SUPT3H: variants seen among roughly 807,000 people sequenced by gnomAD.
The protein encoded by SUPT3H is transcription initiation protein SPT3 homolog.
SUPT3H carries 44 observed loss-of-function variants against 44.3 expected under a neutral mutation model. The observed-to-expected ratio is 0.99, with a 90% CI of 0.78 to 1.28. The LOEUF is 1.28. SUPT3H is among the 50% of genes most tolerant of loss of function. SUPT3H has a pLI of 0.00. For synonymous variants in SUPT3H, 124 were observed against 125.6 expected, an observed-to-expected ratio of 0.99 and a Z score of 0.09; for missense variants, 380 against 387.1, an observed-to-expected ratio of 0.98 and a Z score of 0.15.
intron 2 of SUPT3H, among the ~76,000 whole-genome samples, chr6:45,152,228 T>C (rs146764540): frequency 6.6e-6 from 1 of 152,288 alleles, no homozygotes; most frequent in African/African-American, 2.4e-5. Flanking sequence ...CCATTCCCAA[T>C]TCTTAAGCCC....
intron 10 of SUPT3H, among the ~76,000 whole-genome samples, chr6:44,927,606 T>C (rs958341418): frequency 6.6e-6 from 1 of 152,176 alleles, no homozygotes; most frequent in Non-Finnish European, 1.5e-5. Flanking sequence ...ACCTAGCTGG[T>C]ATGCAAAAAA....
intron 9 of SUPT3H, among the ~76,000 whole-genome samples, chr6:44,935,696 G>A (rs986428652): frequency 1.3e-5 from 2 of 152,166 alleles, no homozygotes; most frequent in Admixed American, 1.3e-4. Context: ...CTGATGCTGG[G>A]TATTAGAAGC....
intron 2 of SUPT3H, among the ~76,000 whole-genome samples, chr6:45,189,162 T>A (rs933041386): frequency 6.6e-6 from 1 of 152,220 alleles, no homozygotes; most frequent in South Asian, 2.1e-4. Flanking sequence ...AGATCATTTG[T>A]CTTATTTGCC....
At chr6:45,033,578 A>G (rs1457817266) in intron 3 of SUPT3H, among the ~76,000 whole-genome samples, 3 of 152,198 alleles carry the variant, frequency 2.0e-5, no homozygotes, top group Non-Finnish European at 4.4e-5. Context: ...GACTATCACT[A>G]TGAAAAGTTT....
chr6:44,985,521 T>G lies in SUPT3H; in HGVS notation c.504+18132A>C, dbSNP rs190160230. Among the ~76,000 whole-genome samples the G allele has an allele frequency of 4.9e-4, 74 of 152,252 alleles. 1 individual carries two copies. The East Asian group carries it at 0.012, about 25-fold the overall frequency. On this transcript the variant is annotated intron_variant, in intron 6 of 10. Transcript: ENST00000371459. ...CCCATAGAAACACTGTCCTAAATGG[T>G]GGTTAGGTTCCCAAGTAATCTACAA...
At chr6:44,835,219 C>T (rs1769608351) in intron 10 of SUPT3H, among the ~76,000 whole-genome samples, 2 of 152,020 alleles carry the variant, frequency 1.3e-5, no homozygotes, top group Admixed American at 6.6e-5. Context: ...ATAATATGGC[C>T]TGCGTGGAGC....
chr6:45,082,439 T>C (rs1024027762), intron 3 of SUPT3H, among the ~76,000 whole-genome samples: 4 of 152,096 alleles, frequency 2.6e-5, no homozygotes, highest in African/African-American at 9.7e-5. Flanking sequence ...CATCAAAAAG[T>C]TAACTGACCA....
chr6:45,231,970 T>C (rs1210127433), intron 2 of SUPT3H, among the ~76,000 whole-genome samples: 1 of 152,202 alleles, frequency 6.6e-6, no homozygotes, highest in African/African-American at 2.4e-5. Context: ...TTGATAAATT[T>C]CTCATAAATA....
chr6:44,890,302 A>G (rs1763065153), intron 10 of SUPT3H, among the ~76,000 whole-genome samples: 1 of 150,972 alleles, frequency 6.6e-6, no homozygotes, highest in Non-Finnish European at 1.5e-5. Flanking sequence ...ATAAAGACAC[A>G]TGCACACATA....
chr6:45,126,886 G>GA (rs534284789), intron 2 of SUPT3H, among the ~76,000 whole-genome samples: 2 of 152,008 alleles, frequency 1.3e-5, no homozygotes, highest in East Asian at 1.9e-4. Context: ...GATGCGAGGA[G>GA]AAAAAATGGA....
intron 2 of SUPT3H, chr6:45,322,809 C>CA: frequency 1.6e-6 from 2 of 1,257,240 alleles, no homozygotes; most frequent in Non-Finnish European, 2.3e-6. Flanking sequence ...TATATTTTGG[C>CA]AAGATGCACT....
chr6:45,326,664 G>T (rs1786397083), intron 2 of SUPT3H, among the ~76,000 whole-genome samples: 1 of 151,880 alleles, frequency 6.6e-6, no homozygotes, highest in Admixed American at 6.6e-5. Context: ...CCCTACCAGT[G>T]TATTTTGGGA....
chr6:45,020,646 A>G lies in SUPT3H; in HGVS notation c.187-14T>C. The G allele has an allele frequency of 6.2e-7, 1 of 1,600,840 alleles. No individual in the cohort carries two copies. Among genetic ancestry groups the G allele is most frequent in the Non-Finnish European group, 8.5e-7 (1 of 1,170,526 alleles). ...AGCTTGCTGTAACTAACAATAATGA[A>G]AATTTAGAAATTTTTCTCAGTAACA... On this transcript the variant is annotated splice_polypyrimidine_tract_variant and intron_variant, in intron 3 of 10. Transcript: ENST00000371459.
chr6:45,230,660 GT>G (rs1767806785), intron 2 of SUPT3H, among the ~76,000 whole-genome samples: 851 of 51,004 alleles, frequency 0.017, 91 homozygotes, highest in African/African-American at 0.034. Flanking sequence ...AATTCATTCA[GT>G]CTATATATAT....
chr6:44,928,239 G>A (rs1390597945), intron 10 of SUPT3H, among the ~76,000 whole-genome samples: 1 of 152,100 alleles, frequency 6.6e-6, no homozygotes, highest in Non-Finnish European at 1.5e-5. Context: ...TGCAATATAA[G>A]ATGGCAAGCA....
intron 2 of SUPT3H, among the ~76,000 whole-genome samples, chr6:45,358,111 A>C (rs965643937): frequency 5.4e-5 from 8 of 149,242 alleles, no homozygotes; most frequent in African/African-American, 1.8e-4. Flanking sequence ...AAAAGTAATC[A>C]ATGACCGTGT....
chr6:45,098,726 T>TA (rs1424736736), intron 3 of SUPT3H: 3 of 429,210 alleles, frequency 7.0e-6, no homozygotes, highest in African/African-American at 2.0e-5. Context: ...GTAGTCTGGA[T>TA]AATACCCTTT....
chr6:44,818,062 A>G (rs1767024980), intron 11 of SUPT3H, among the ~76,000 whole-genome samples: 1 of 152,196 alleles, frequency 6.6e-6, no homozygotes, highest in South Asian at 2.1e-4. Context: ...CTTAGTATAG[A>G]AGTCATAGTA....
At chr6:45,355,441 T>C (rs2150216154) in intron 2 of SUPT3H, among the ~76,000 whole-genome samples, 1 of 152,160 alleles carries the variant, frequency 6.6e-6, no homozygotes, top group South Asian at 2.1e-4. Context: ...ACCCATAAAA[T>C]TTCCAGGGTT....
Sources: gnomAD v4.1 joint callset for allele counts (sites outside exome capture counted in the v4.1 genomes callset) on GRCh38, gnomAD v4.1.1 for gene constraint, MANE v1.5 for transcripts, NCBI Gene and HGNC (gene_info 2026-07-23, HGNC 2026-07-21) for gene names.